Variants in KCNB2 observed in about 807,000 individuals in gnomAD.
The protein encoded by KCNB2 is potassium voltage-gated channel subfamily B member 2, also known as delayed rectifier potassium channel protein.
In KCNB2, 15 loss-of-function variants were observed where a neutral mutation model predicts 61.5. The ratio of observed to expected loss-of-function variants is 0.24; its 90% CI spans 0.16 to 0.38. The LOEUF is 0.38. Among genes scored for constraint, KCNB2 ranks in the 10% least tolerant of loss-of-function variants. The pLI, the probability that KCNB2 is intolerant of heterozygous loss-of-function variation, is 1.00. For missense variants in KCNB2, 828 were observed against 1,125.2 expected (o/e 0.74, Z 3.78); for synonymous variants, 457 against 446.0 (o/e 1.02, Z -0.31).
chr8:72,903,061 TA>T (rs1277394946), intron 2 of KCNB2, among the ~76,000 whole-genome samples: 1 of 152,220 alleles, frequency 6.6e-6, no homozygotes, highest in Non-Finnish European at 1.5e-5. Context: ...GAATTTGAAG[TA>T]ATTCAGAAAG....
intron 2 of KCNB2, among the ~76,000 whole-genome samples, chr8:72,736,188 TG>T (rs1369701033): frequency 5.9e-5 from 9 of 151,912 alleles, no homozygotes; most frequent in African/African-American, 2.2e-4. Context: ...AACATTTCAC[TG>T]AAAAAATATA....
chr8:72,602,371 G>C (rs979597436), intron 2 of KCNB2, among the ~76,000 whole-genome samples: 6 of 152,072 alleles, frequency 3.9e-5, no homozygotes, highest in Non-Finnish European at 8.8e-5. Context: ...AGATGCTACT[G>C]AATCATTGCT....
intron 2 of KCNB2, among the ~76,000 whole-genome samples, chr8:72,706,318 A>G (rs964502199): frequency 2.6e-5 from 4 of 152,212 alleles, no homozygotes; most frequent in Non-Finnish European, 4.4e-5. Flanking sequence ...ATACTTGGTT[A>G]TAGATCTGTT....
intron 2 of KCNB2, among the ~76,000 whole-genome samples, chr8:72,725,523 A>ATGTG (rs1807619563): frequency 2.0e-5 from 1 of 50,708 alleles, no homozygotes; most frequent in African/African-American, 1.2e-4. Context: ...ATATATATAT[A>ATGTG]TATATATATA....
intron 1 of KCNB2, among the ~76,000 whole-genome samples, chr8:72,564,726 G>T (rs1476896880): frequency 2.6e-5 from 4 of 152,172 alleles, no homozygotes; most frequent in Admixed American, 2.6e-4. Flanking sequence ...TGCCTGTTAT[G>T]TGTGGGTTGA....
intron 2 of KCNB2, among the ~76,000 whole-genome samples, chr8:72,841,458 A>G (rs902541556): frequency 6.9e-6 from 1 of 144,280 alleles, no homozygotes; most frequent in African/African-American, 2.7e-5. Context: ...AGTTTTTTCC[A>G]ATTCTCTGAA....
intron 1 of KCNB2, among the ~76,000 whole-genome samples, chr8:72,538,850 T>C (rs1477913774): frequency 6.6e-6 from 1 of 152,192 alleles, no homozygotes; most frequent in African/African-American, 2.4e-5. Flanking sequence ...GTTAAATGTG[T>C]AGTATAGTGT....
At chr8:72,605,032 G>A (rs530927522) in intron 2 of KCNB2, among the ~76,000 whole-genome samples, 5 of 152,300 alleles carry the variant, frequency 3.3e-5, no homozygotes, top group Non-Finnish European at 5.9e-5. Flanking sequence ...CTGTTGTGCT[G>A]TCACTTTGGA....
intron 2 of KCNB2, among the ~76,000 whole-genome samples, chr8:72,892,990 T>C (rs1805924976): frequency 6.6e-6 from 1 of 152,214 alleles, no homozygotes; most frequent in Admixed American, 6.5e-5. Context: ...TTTAATGATT[T>C]TGTCCTGGAC....
intron 2 of KCNB2, among the ~76,000 whole-genome samples, chr8:72,714,091 G>A (rs189624140): frequency 1.2e-3 from 186 of 152,242 alleles, no homozygotes; most frequent in African/African-American, 4.2e-3. Flanking sequence ...GAAATGAAGC[G>A]TGAAGAAAAG....
chr8:72,922,177 A>G (rs567384510), intron 2 of KCNB2, among the ~76,000 whole-genome samples: 1 of 152,080 alleles, frequency 6.6e-6, no homozygotes, highest in South Asian at 2.1e-4. Flanking sequence ...TACCACTCCA[A>G]TCTCTGCCTC....
At chr8:72,717,686 G>A (rs1033465033) in intron 2 of KCNB2, among the ~76,000 whole-genome samples, 30 of 151,896 alleles carry the variant, frequency 2.0e-4, no homozygotes, top group Admixed American at 6.6e-5. Context: ...AGACTTAAAC[G>A]TTAGACCTCA....
chr8:72,806,613 T>C (rs950213161), intron 2 of KCNB2, among the ~76,000 whole-genome samples: 10 of 149,072 alleles, frequency 6.7e-5, no homozygotes, highest in Non-Finnish European at 3.0e-5. Flanking sequence ...AGAATCAGTC[T>C]CAAAAAAAAA....
In KCNB2 at chr8:72,778,393, T is replaced by C. The variant is rs539921211; in HGVS notation, c.580-157542T>C. Among the ~76,000 whole-genome samples the C allele has an allele frequency of 3.2e-4, 49 of 152,040 alleles. No individual in the cohort carries two copies. The South Asian group carries it at 8.3e-3, about 26-fold the overall frequency. On this transcript the variant is annotated intron_variant, in intron 2 of 2. Transcript: ENST00000523207. Reference sequence around the variant, plus strand: ...GAGGGGAAGAAGATACACCTCTTTATTGGGGGAATATTAAAAGGTGGCTCA... The same window carrying C: ...GAGGGGAAGAAGATACACCTCTTTACTGGGGGAATATTAAAAGGTGGCTCA...
intron 2 of KCNB2, among the ~76,000 whole-genome samples, chr8:72,685,764 C>G (rs762733898): frequency 6.6e-6 from 1 of 152,278 alleles, no homozygotes; most frequent in South Asian, 2.1e-4. Flanking sequence ...CCGAGGCAGG[C>G]AGATCGCCTG....
intron 2 of KCNB2, among the ~76,000 whole-genome samples, chr8:72,838,319 G>A (rs1373476937): frequency 6.6e-6 from 1 of 152,086 alleles, no homozygotes; most frequent in Non-Finnish European, 1.5e-5. Flanking sequence ...CTGTGTCCAT[G>A]TGTTCTCATT....
intron 2 of KCNB2, among the ~76,000 whole-genome samples, chr8:72,712,323 T>G (rs1316003291): frequency 1.3e-5 from 2 of 152,222 alleles, no homozygotes; most frequent in Non-Finnish European, 2.9e-5. Context: ...GAATAGATAG[T>G]AGTGTCTTAC....
At chr8:72,551,389 G>A (rs1806342423) in intron 1 of KCNB2, among the ~76,000 whole-genome samples, 1 of 152,140 alleles carries the variant, frequency 6.6e-6, no homozygotes. Flanking sequence ...GAAAGCTGTT[G>A]TACATGACGG....
At chr8:72,625,799 C>G (rs955712164) in intron 2 of KCNB2, among the ~76,000 whole-genome samples, 5 of 152,094 alleles carry the variant, frequency 3.3e-5, no homozygotes, top group Admixed American at 3.3e-4. Context: ...ATTGACTTAC[C>G]AGGTGATCTT....
Sources: gnomAD v4.1 joint callset for allele counts (sites outside exome capture counted in the v4.1 genomes callset) on GRCh38, gnomAD v4.1.1 for gene constraint, MANE v1.5 for transcripts, NCBI Gene and HGNC (gene_info 2026-07-23, HGNC 2026-07-21) for gene names.